The following HS6ST2 variants were observed in gnomAD, a reference collection of about 807,000 sequenced individuals.
The protein encoded by HS6ST2 is heparan sulfate 6-O-sulfotransferase 2.
A neutral mutation model predicts 33.0 loss-of-function variants in HS6ST2; 17 were observed. The observed-to-expected ratio is 0.52, with a 90% CI of 0.35 to 0.77. The LOEUF is 0.77. Ranked by LOEUF, HS6ST2 falls within the 30% of genes least tolerant of loss-of-function variation. HS6ST2 has a pLI of 0.01. For synonymous variants in HS6ST2, 248 were observed against 237.1 expected, an observed-to-expected ratio of 1.05 and a Z score of -0.42; for missense variants, 519 against 551.7, an observed-to-expected ratio of 0.94 and a Z score of 0.59.
intron 2 of HS6ST2, among the ~76,000 whole-genome samples, chrX:132,774,394 G>A (rs758567536): frequency 1.8e-5 from 2 of 112,305 alleles, no homozygotes; most frequent in Non-Finnish European, 3.8e-5. Context: ...AGTGCAAATA[G>A]TCTTGCTTCT....
chrX:132,774,830 A>C (rs1250149166), intron 2 of HS6ST2, among the ~76,000 whole-genome samples: 1 of 110,332 alleles, frequency 9.1e-6, no homozygotes, highest in Non-Finnish European at 1.9e-5. Flanking sequence ...ACAGGTGTGC[A>C]CAACCACACC....
chrX:132,864,566 T>C (rs1377781034), intron 2 of HS6ST2, among the ~76,000 whole-genome samples: 6 of 107,932 alleles, frequency 5.6e-5, no homozygotes, highest in Non-Finnish European at 1.1e-4. Flanking sequence ...AAGAAAAGAA[T>C]GAAAAGGAAC....
chrX:132,958,797 C>A, upstream of HS6ST2: 1 of 372,464 alleles, frequency 2.7e-6, no homozygotes, highest in East Asian at 4.2e-5. Context: ...CCTAAAATAG[C>A]AAAGGCGCAA....
intron 2 of HS6ST2, among the ~76,000 whole-genome samples, chrX:132,779,830 A>G (rs923363192): frequency 9.0e-6 from 1 of 111,161 alleles, no homozygotes; most frequent in Non-Finnish European, 1.9e-5. Flanking sequence ...GCCAGTTTAC[A>G]GATAAGGAAA....
At chrX:132,754,554 C>G (rs1301277468) in intron 2 of HS6ST2, among the ~76,000 whole-genome samples, 5 of 109,122 alleles carry the variant, frequency 4.6e-5, no homozygotes, top group African/African-American at 1.7e-4. Context: ...GTAGCTGGGA[C>G]TACAGGTGCC....
intron 2 of HS6ST2, among the ~76,000 whole-genome samples, chrX:132,829,010 G>GA (rs1168431605): frequency 2.0e-5 from 2 of 102,522 alleles, no homozygotes; most frequent in Non-Finnish European, 3.9e-5. Context: ...AAAAAATGAT[G>GA]ACATAATAGT....
At chrX:132,690,706 TAA>T (rs2064057431) in intron 3 of HS6ST2, among the ~76,000 whole-genome samples, 2 of 112,512 alleles carry the variant, frequency 1.8e-5, no homozygotes, top group South Asian at 7.4e-4. Flanking sequence ...CACTGTACCT[TAA>T]GTCTATTCCC....
chrX:132,674,997 T>C (rs1433446423), intron 3 of HS6ST2, among the ~76,000 whole-genome samples: 1 of 111,694 alleles, frequency 9.0e-6, no homozygotes, highest in Non-Finnish European at 1.9e-5. Flanking sequence ...GGGGATTGAC[T>C]ATGTTTGGGG....
chrX:132,893,615 T>C (rs1200074015), intron 2 of HS6ST2, among the ~76,000 whole-genome samples: 4 of 111,749 alleles, frequency 3.6e-5, no homozygotes, highest in African/African-American at 1.3e-4. Flanking sequence ...GCATTGTTCA[T>C]GAAGTTCAAC....
At chrX:132,818,074 T>C (rs907505636) in intron 2 of HS6ST2, among the ~76,000 whole-genome samples, 2 of 111,583 alleles carry the variant, frequency 1.8e-5, no homozygotes, top group African/African-American at 6.5e-5. Context: ...GCTTTATGGA[T>C]ACTGAAAGGC....
chrX:132,692,260 A>G (rs1189996765), intron 3 of HS6ST2, among the ~76,000 whole-genome samples: 2 of 111,186 alleles, frequency 1.8e-5, no homozygotes, highest in Non-Finnish European at 3.8e-5. Flanking sequence ...ATGCAACTGC[A>G]GTTCTTCCGC....
rs3033785 is a variant in HS6ST2 at position 132,953,361 on chromosome X, G to GCT, written c.947+3445_947+3446dup. Among the ~76,000 whole-genome samples, 77 of 106,654 alleles carry GCT rather than the reference G, an allele frequency of 7.2e-4. 1 individual carries two copies. The highest frequency in any genetic ancestry group is 1.9e-3 in the African/African-American group (56 of 29,202). The allele number at this position is 106,654 out of a possible 115,157, so 92.6% of individuals were successfully genotyped here. A position where few individuals can be genotyped will look rare whatever the true frequency, so the allele number is the denominator to read the frequency against. On this transcript the variant is annotated intron_variant, in intron 2 of 4. Transcript: ENST00000370833. ...ACAACTTGAGCCTTTCACCAGCCAAGCTCTCTCTCTCTCTCTCTCTTTGTC... is the reference window on the plus strand; with the variant it reads ...ACAACTTGAGCCTTTCACCAGCCAAGCTCTCTCTCTCTCTCTCTCTCTTTGTC...
At chrX:132,794,844 T>C (rs145268839) in intron 2 of HS6ST2, among the ~76,000 whole-genome samples, 1,635 of 110,549 alleles carry the variant, frequency 0.015, 36 homozygotes, top group African/African-American at 0.05. Flanking sequence ...TCAGACATGG[T>C]AGAGCTGGCC....
At chrX:132,772,953 T>A (rs1158622168) in intron 2 of HS6ST2, among the ~76,000 whole-genome samples, 1 of 85,202 alleles carries the variant, frequency 1.2e-5, no homozygotes, top group African/African-American at 4.6e-5. Flanking sequence ...TAATTTAGAT[T>A]ATATATTAAT....
intron 2 of HS6ST2, among the ~76,000 whole-genome samples, chrX:132,713,393 C>T (rs1024048945): frequency 1.8e-5 from 2 of 111,839 alleles, no homozygotes; most frequent in African/African-American, 6.5e-5. Flanking sequence ...TGCGGCAGGC[C>T]TGCCACACAG....
chrX:132,901,509 T>C (rs1287241947), intron 2 of HS6ST2, among the ~76,000 whole-genome samples: 1 of 111,451 alleles, frequency 9.0e-6, no homozygotes, highest in African/African-American at 3.3e-5. Context: ...GGACCAAACA[T>C]TTATTGAGCA....
chrX:132,871,699 T>C (rs1031375868), intron 2 of HS6ST2, among the ~76,000 whole-genome samples: 2 of 108,414 alleles, frequency 1.8e-5, no homozygotes, highest in Non-Finnish European at 3.8e-5. Flanking sequence ...AAACACCACA[T>C]ATTCTCACTC....
chrX:132,669,342 CTCT>C, intron 3 of HS6ST2, 143 bp from the exon 4 acceptor site: 1 of 419,690 alleles, frequency 2.4e-6, no homozygotes, highest in South Asian at 4.3e-5. Flanking sequence ...CTCTCTCTCT[CTCT>C]CCTGTCAAAG....
At chrX:132,879,062 G>A (rs776007996) in intron 2 of HS6ST2, among the ~76,000 whole-genome samples, 28 of 111,800 alleles carry the variant, frequency 2.5e-4, no homozygotes, top group Non-Finnish European at 4.7e-4. Flanking sequence ...TACAGTTCAC[G>A]AGAATTTCTA....
Sources: allele counts gnomAD v4.1 joint callset (sites outside exome capture counted in the v4.1 genomes callset), GRCh38; gene constraint gnomAD v4.1.1; transcripts MANE v1.5; gene names NCBI Gene and HGNC (gene_info 2026-07-23, HGNC 2026-07-21).